The following LRRC74A variants were observed in gnomAD, a reference collection of about 807,000 sequenced individuals.
The protein encoded by LRRC74A is leucine rich repeat containing 74A, also known as leucine-rich repeat-containing protein 74A.
In LRRC74A, 44 loss-of-function variants were observed where a neutral mutation model predicts 57.9. That is an observed-to-expected ratio of 0.76 (90% CI 0.60 to 0.98). The LOEUF (loss-of-function observed/expected upper bound fraction) is 0.98, where lower values mean the gene tolerates loss of function less well. Among genes scored for constraint, LRRC74A ranks in the 50% least tolerant of loss-of-function variants. LRRC74A has a pLI of 0.00. For missense variants in LRRC74A, 572 were observed against 574.0 expected, an observed-to-expected ratio of 1.00 and a Z score of 0.04; for synonymous variants, 211 against 219.4, an observed-to-expected ratio of 0.96 and a Z score of 0.34.
chr14:76,830,623 G>C (rs1052847931), intron 2 of LRRC74A, among the ~76,000 whole-genome samples: 12 of 152,262 alleles, frequency 7.9e-5, no homozygotes, highest in Admixed American at 2.0e-4. Context: ...AAGCATGCTT[G>C]TTTCTCGCTG....
chr14:76,865,883 C>A (rs1898741900), intron 11 of LRRC74A, 85 bp from the exon 12 acceptor site: 11 of 1,062,536 alleles, frequency 1.0e-5, no homozygotes, highest in Non-Finnish European at 1.6e-5. Flanking sequence ...GAAGCATGGG[C>A]CGCTCTTTTG....
intron 8 of LRRC74A, among the ~76,000 whole-genome samples, chr14:76,852,780 G>A (rs995968122): frequency 2.6e-5 from 4 of 151,844 alleles, no homozygotes; most frequent in South Asian, 2.1e-4. Flanking sequence ...CACCATGCCC[G>A]GCTATTTTTT....
intron 13 of LRRC74A, among the ~76,000 whole-genome samples, chr14:76,869,088 GTGCCTCCTCACCTGCCCC>G (rs1899211895): frequency 7.9e-5 from 1 of 12,632 alleles, no homozygotes; most frequent in Non-Finnish European, 1.6e-4. Flanking sequence ...CACCTGCCCC[GTGCCTCCTCACCTGCCCC>G]GTGCCTCCTC....
At chr14:76,870,046 A>T in intron 13 of LRRC74A, 79 bp from the exon 14 acceptor site, 1 of 1,495,210 alleles carries the variant, frequency 6.7e-7, no homozygotes, top group Non-Finnish European at 9.2e-7. Flanking sequence ...CTTTGGATTT[A>T]AGCCTGTCTT....
intron 9 of LRRC74A, among the ~76,000 whole-genome samples, chr14:76,856,792 GTGGATGGATGGA>G (rs59726536): frequency 7.7e-6 from 1 of 129,678 alleles, no homozygotes; most frequent in Non-Finnish European, 1.7e-5. Context: ...GGATAAGTGA[GTGGATGGATGGA>G]TGGATGGATG....
chr14:76,840,260 T>G (rs1456543602), intron 5 of LRRC74A, among the ~76,000 whole-genome samples: 2 of 152,066 alleles, frequency 1.3e-5, no homozygotes, highest in African/African-American at 4.8e-5. Flanking sequence ...CTGGGCAACA[T>G]AGCAAGACCC....
rs373756601 is a variant in LRRC74A at position 76,830,531 on chromosome 14, C to T, written c.167-672C>T. Among the ~76,000 whole-genome samples the T allele has an allele frequency of 8.5e-5, 13 of 152,328 alleles. No individual in the cohort carries two copies. In the East Asian group the frequency reaches 1.3e-3, roughly 16 times the overall value. ...GTGTGTTATTTGAGGCTAGGTTTGT[C>T]GTCAATAAAGCAAGGATGACAGTCC... On this transcript the variant is annotated intron_variant, in intron 2 of 13. Transcript: ENST00000689127.
chr14:76,847,392 A>G (rs946194399), intron 7 of LRRC74A, among the ~76,000 whole-genome samples: 12 of 152,224 alleles, frequency 7.9e-5, no homozygotes, highest in African/African-American at 2.9e-4. Flanking sequence ...CCTTGCAGGA[A>G]CAGGGTTGGA....
At chr14:76,855,726 G>A (rs1897830442) in intron 9 of LRRC74A, among the ~76,000 whole-genome samples, 1 of 152,204 alleles carries the variant, frequency 6.6e-6, no homozygotes, top group Non-Finnish European at 1.5e-5. Context: ...TCTCACTGGA[G>A]TACATCAGAG....
rs202130671 is a variant in LRRC74A, at chr14:76,853,223, T to G, written c.770T>G (p.Val257Gly). 252 of 1,611,342 alleles carry G rather than the reference T, an allele frequency of 1.6e-4. No individual in the cohort carries two copies. The highest frequency in any genetic ancestry group is 4.2e-4 in the Admixed American group (25 of 59,996). ...TCTCCCCTCTTCCTGGAGGGTAATGTGACCCTGACAAAGCTGGATCTCTCC... is the reference window on the plus strand; with the variant it reads ...TCTCCCCTCTTCCTGGAGGGTAATGGGACCCTGACAAAGCTGGATCTCTCC... ...VALCNGLRGN[V>G]TLTKLDLSMN... Residue 257 changes from valine (V) to glycine (G), a missense_variant, in exon 9 of 14, where the codon GTG becomes GGG. Coordinates refer to ENST00000689127, the MANE Select transcript of LRRC74A (RefSeq NM_001385106.1).
Position 76,831,392 on chromosome 14 carries a change from G to C in LRRC74A, c.339+17G>C, listed in dbSNP as rs750684381. 6.2e-7 allele frequency: 1 copy of C among 1,611,600 alleles called. No homozygotes were observed. The highest frequency in any genetic ancestry group is 1.1e-5 in the South Asian group (1 of 90,956). The stretch of plus-strand genomic sequence containing the variant: ...GCCCTGGTGGTGAGCATGCTAGTGG[G>C]AGCTCATGAAACCTGGAGGAGGTGG... On this transcript the variant is annotated intron_variant, in intron 3 of 13. Coordinates refer to ENST00000689127, the MANE Select transcript of LRRC74A (RefSeq NM_001385106.1).
chr14:76,860,343 C>T lies in LRRC74A; in HGVS notation c.1054-350C>T, dbSNP rs1372828863. 1.4e-4 allele frequency among the ~76,000 whole-genome samples: 21 copies of T among 152,214 alleles called. 1 individual carries two copies. The highest frequency in any genetic ancestry group is 1.4e-3 in the Admixed American group (21 of 15,292). ...CACTTTCTCTGACAAACAACACTCACGCAGACATGGACATTTCAGGGCTTT... is the reference window on the plus strand; with the variant it reads ...CACTTTCTCTGACAAACAACACTCATGCAGACATGGACATTTCAGGGCTTT... On this transcript the variant is annotated intron_variant, in intron 10 of 13. Transcript: ENST00000689127.
At chr14:76,859,339 A>G (rs1898123042) in intron 10 of LRRC74A, among the ~76,000 whole-genome samples, 1 of 152,132 alleles carries the variant, frequency 6.6e-6, no homozygotes, top group Non-Finnish European at 1.5e-5. Context: ...GTTCGAGACC[A>G]GCCTGACCAA....
At chr14:76,868,849 G>A (rs1899178148) in intron 13 of LRRC74A, among the ~76,000 whole-genome samples, 2 of 152,254 alleles carry the variant, frequency 1.3e-5, no homozygotes, top group Admixed American at 6.5e-5. Flanking sequence ...ACAAGGCTGC[G>A]GCTGTGCGCG....
intron 2 of LRRC74A, chr14:76,828,758 T>C (rs60415199): frequency 0.047 from 21,021 of 448,404 alleles, 597 homozygotes; most frequent in African/African-American, 0.069. Flanking sequence ...TCCTAGGAGG[T>C]AGGCATCTTT....
At chr14:76,832,546 G>T (rs1156305236) in intron 3 of LRRC74A, among the ~76,000 whole-genome samples, 2 of 152,192 alleles carry the variant, frequency 1.3e-5, no homozygotes, top group Non-Finnish European at 2.9e-5. Context: ...GGGCTCAGGT[G>T]ATCCACCCAC....
At position 76,826,467 on chromosome 14, in the gene LRRC74A, C is replaced by T. The variant is rs1895577290; in HGVS notation, c.-231C>T. On this transcript the variant is annotated 5_prime_UTR_variant, in exon 1 of 14. Transcript: ENST00000689127. ...CCAGATGAGCTGGAGAAGTAGCTACCTCTCCCAGACAGAGTTGGGGTCAAA... is the reference window on the plus strand; with the variant it reads ...CCAGATGAGCTGGAGAAGTAGCTACTTCTCCCAGACAGAGTTGGGGTCAAA... The T allele has an allele frequency of 2.7e-6, 4 of 1,470,752 alleles. No individual in the cohort carries two copies. Among genetic ancestry groups the T allele is most frequent in the Admixed American group, 2.0e-5 (1 of 49,534 alleles). 91.1% of individuals were successfully genotyped at this position (1,470,752 alleles called of 1,614,324 possible).
At chr14:76,868,922 G>C (rs1899186554) in intron 13 of LRRC74A, among the ~76,000 whole-genome samples, 1 of 152,236 alleles carries the variant, frequency 6.6e-6, no homozygotes, top group African/African-American at 2.4e-5. Context: ...TGCAAGGAGT[G>C]AGTGGGGGAA....
At chr14:76,831,480 C>T (rs989723819) in intron 3 of LRRC74A, 105 bp downstream of exon 3, 4 of 1,225,668 alleles carry the variant, frequency 3.3e-6, no homozygotes, top group African/African-American at 1.5e-5. Flanking sequence ...TAAACCCACA[C>T]TTTATGCCCT....
Sources: gnomAD v4.1 joint callset for allele counts (sites outside exome capture counted in the v4.1 genomes callset) on GRCh38, gnomAD v4.1.1 for gene constraint, MANE v1.5 for transcripts, NCBI Gene and HGNC (gene_info 2026-07-23, HGNC 2026-07-21) for gene names.